CCDC6: variants seen among roughly 807,000 people sequenced by gnomAD.
The protein encoded by CCDC6 is coiled-coil domain containing 6.
In CCDC6, 20 loss-of-function variants were observed where a neutral mutation model predicts 56.6. The observed-to-expected ratio is 0.35, with a 90% confidence interval of 0.25 to 0.51. CCDC6 has a LOEUF of 0.51. Among genes scored for constraint, CCDC6 ranks in the 20% least tolerant of loss-of-function variants. CCDC6 has a pLI of 0.95. For missense variants in CCDC6, 367 were observed against 601.1 expected (o/e 0.61, Z 4.07); for synonymous variants, 241 against 234.4 (o/e 1.03, Z -0.26).
intron 7 of CCDC6, among the ~76,000 whole-genome samples, chr10:59,795,579 C>T (rs561668729): frequency 1.3e-5 from 2 of 151,308 alleles, no homozygotes; most frequent in Admixed American, 6.6e-5. Context: ...CCCATTAACT[C>T]GTTATTTAGC....
intron 1 of CCDC6, among the ~76,000 whole-genome samples, chr10:59,869,986 A>G (rs2071214366): frequency 6.6e-6 from 1 of 152,154 alleles, no homozygotes; most frequent in African/African-American, 2.4e-5. Context: ...CCCCCTGAAG[A>G]GGCTGTCTCA....
At chr10:59,852,270 A>G (rs1395393042) in intron 2 of CCDC6, among the ~76,000 whole-genome samples, 1 of 152,212 alleles carries the variant, frequency 6.6e-6, no homozygotes, top group East Asian at 1.9e-4. Context: ...CCATACTTCC[A>G]AAATGCTACA....
chr10:59,848,007 A>G (rs1418062007), intron 2 of CCDC6, among the ~76,000 whole-genome samples: 1 of 151,916 alleles, frequency 6.6e-6, no homozygotes, highest in Non-Finnish European at 1.5e-5. Flanking sequence ...GCGCCCTCCC[A>G]CATCCCAAAG....
At chr10:59,848,878 T>A (rs2071015363) in intron 2 of CCDC6, among the ~76,000 whole-genome samples, 1 of 151,972 alleles carries the variant, frequency 6.6e-6, no homozygotes, top group East Asian at 1.9e-4. Flanking sequence ...CACACCCAAC[T>A]CATTTTTTGT....
chr10:59,791,727 G>A lies in CCDC6; in HGVS notation c.*1190C>T, dbSNP rs1063830. 9.4e-6 allele frequency: 2 copies of A among 212,400 alleles called. No homozygotes were observed. The highest frequency in any genetic ancestry group is 4.5e-5 in the African/African-American group (2 of 44,256). The allele number at this position is 212,400 out of a possible 1,614,324, so 13.2% of individuals were successfully genotyped here. A position where few individuals can be genotyped will look rare whatever the true frequency, so the allele number is the denominator to read the frequency against. ...AAACAAAAATTAAGATGTTGCACGT[G>A]TTAAGAAAAGAGTGACTCAGTGTTC... On this transcript the variant is annotated 3_prime_UTR_variant, in exon 9 of 9. Transcript: ENST00000263102.
chr10:59,885,284 C>T (rs1159660719), intron 1 of CCDC6, among the ~76,000 whole-genome samples: 1 of 152,062 alleles, frequency 6.6e-6, no homozygotes, highest in Admixed American at 6.6e-5. Flanking sequence ...AATTATTTTG[C>T]CACATCTAGA....
Position 59,898,505 on chromosome 10 carries a change from C to T in CCDC6, c.303+7617G>A, listed in dbSNP as rs149905157. ...CCTCCCTGGGAACCCCTACAGGAGT[C>T]GGCCTAAGCTTCCCTTCCTGCATCC... On this transcript the variant is annotated intron_variant, in intron 1 of 8. Coordinates refer to ENST00000263102, the MANE Select transcript of CCDC6 (RefSeq NM_005436.5). Among the ~76,000 whole-genome samples the T allele has an allele frequency of 2.0e-3, 310 of 152,310 alleles. 1 individual carries two copies. Among genetic ancestry groups the T allele is most frequent in the African/African-American group, 7.1e-3 (295 of 41,570 alleles).
At chr10:59,835,352 T>C (rs1822913) in intron 2 of CCDC6, among the ~76,000 whole-genome samples, 48,527 of 152,136 alleles carry the variant, frequency 0.32, 8,146 homozygotes, top group Non-Finnish European at 0.36. Flanking sequence ...AATATCCATA[T>C]TTAGACAGAT....
At chr10:59,810,767 A>C (rs1564739392) in intron 5 of CCDC6, among the ~76,000 whole-genome samples, 1 of 152,114 alleles carries the variant, frequency 6.6e-6, no homozygotes, top group Non-Finnish European at 1.5e-5. Context: ...TGATTCCCTA[A>C]AGATGTCCAC....
At chr10:59,810,460 T>C (rs1054961968) in intron 5 of CCDC6, among the ~76,000 whole-genome samples, 28 of 151,690 alleles carry the variant, frequency 1.8e-4, no homozygotes, top group Non-Finnish European at 2.4e-4. Context: ...TCTGAAATTT[T>C]TGCTAGGGGC....
chr10:59,898,961 T>C (rs1310328356), intron 1 of CCDC6, among the ~76,000 whole-genome samples: 1 of 152,160 alleles, frequency 6.6e-6, no homozygotes, highest in East Asian at 1.9e-4. Context: ...ATCAATCATA[T>C]TGTTAAGCCT....
In CCDC6 at chr10:59,906,549, G is replaced by T; in HGVS notation, c.-125C>A. On this transcript the variant is annotated 5_prime_UTR_variant, in exon 1 of 9. Transcript: ENST00000263102. ...GCCGAGCTGAGCGCCTGGCACCAGG[G>T]CGCAGACTCGGAGCGGCGGCGAGAG... 2 of 794,184 alleles carry T rather than the reference G, an allele frequency of 2.5e-6. No individual in the cohort carries two copies. Among genetic ancestry groups the T allele is most frequent in the Non-Finnish European group, 1.8e-6 (1 of 542,156 alleles). The allele number at this position is 794,184 out of a possible 1,614,324, so 49.2% of individuals were successfully genotyped here. A position where few individuals can be genotyped will look rare whatever the true frequency, so the allele number is the denominator to read the frequency against.
intron 3 of CCDC6, among the ~76,000 whole-genome samples, chr10:59,815,426 T>C (rs573672255): frequency 6.6e-6 from 1 of 152,194 alleles, no homozygotes; most frequent in Non-Finnish European, 1.5e-5. Flanking sequence ...TTGAGCAATA[T>C]GTAATAAATA....
At chr10:59,895,846 G>A (rs2071458567) in intron 1 of CCDC6, among the ~76,000 whole-genome samples, 1 of 152,156 alleles carries the variant, frequency 6.6e-6, no homozygotes, top group Non-Finnish European at 1.5e-5. Context: ...CAGCCTGAGC[G>A]CTTTAGGCCA....
At chr10:59,865,491 ACAAAGAAT>A (rs1358294042) in intron 1 of CCDC6, among the ~76,000 whole-genome samples, 14 of 152,320 alleles carry the variant, frequency 9.2e-5, no homozygotes, top group African/African-American at 3.4e-4. Context: ...AAAAATCCAA[ACAAAGAAT>A]AAAACCCACT....
chr10:59,817,192 T>C (rs1208801236), intron 3 of CCDC6, among the ~76,000 whole-genome samples: 1 of 152,218 alleles, frequency 6.6e-6, no homozygotes, highest in African/African-American at 2.4e-5. Context: ...ATTTCTTTTC[T>C]TTTCTTGAGA....
chr10:59,850,219 T>C (rs1390630390), intron 2 of CCDC6, among the ~76,000 whole-genome samples: 4 of 152,182 alleles, frequency 2.6e-5, no homozygotes, highest in Non-Finnish European at 5.9e-5. Flanking sequence ...TATTGTTTAA[T>C]GGGCACAGAG....
intron 1 of CCDC6, among the ~76,000 whole-genome samples, chr10:59,855,609 G>A (rs61848705): frequency 0.18 from 27,577 of 152,050 alleles, 3,224 homozygotes; most frequent in Middle Eastern, 0.27. Context: ...TTGCTGAAGC[G>A]GAGGGGATGG....
intron 1 of CCDC6, among the ~76,000 whole-genome samples, chr10:59,875,965 C>G (rs2071275078): frequency 6.6e-6 from 1 of 151,658 alleles, no homozygotes; most frequent in Non-Finnish European, 1.5e-5. Flanking sequence ...ATACTAAATT[C>G]TGCAATCCCA....
Sources: gnomAD v4.1 joint callset for allele counts (sites outside exome capture counted in the v4.1 genomes callset) on GRCh38, gnomAD v4.1.1 for gene constraint, MANE v1.5 for transcripts, NCBI Gene and HGNC (gene_info 2026-07-23, HGNC 2026-07-21) for gene names.